Variants in TM9SF2 observed in about 807,000 individuals in gnomAD.
TM9SF2 encodes the protein transmembrane 9 superfamily member 2.
A neutral mutation model predicts 84.9 loss-of-function variants in TM9SF2; 13 were observed. The observed-to-expected ratio is 0.15, with a 90% CI of 0.10 to 0.24. The LOEUF is 0.24. TM9SF2 is among the 10% of genes least tolerant of loss of function. The pLI is 1.00. For synonymous variants in TM9SF2, 273 were observed against 285.8 expected (o/e 0.96, Z 0.45); for missense variants, 562 against 818.5 (o/e 0.69, Z 3.82).
chr13:99,557,784 T>A (rs2046330265), intron 15 of TM9SF2, among the ~76,000 whole-genome samples: 1 of 152,052 alleles, frequency 6.6e-6, no homozygotes, highest in Non-Finnish European at 1.5e-5. Flanking sequence ...GAAGGATCAC[T>A]TGAGCCCAGG....
At chr13:99,543,790 A>G in intron 9 of TM9SF2, 73 bp from the exon 10 acceptor site, 1 of 1,534,598 alleles carries the variant, frequency 6.5e-7, no homozygotes, top group South Asian at 1.3e-5. Flanking sequence ...AGCATATTCA[A>G]CAGTGAACAA....
At position 99,547,028 on chromosome 13, in the gene TM9SF2, G is replaced by T; in HGVS notation, c.1194G>T (p.Ala398=). 1.9e-6 allele frequency: 3 copies of T among 1,614,164 alleles called. No individual in the cohort carries two copies. Among genetic ancestry groups the T allele is most frequent in the Non-Finnish European group, 2.5e-6 (3 of 1,180,028 alleles). Residue 398 remains alanine (A), a synonymous_variant, in exon 11 of 17, where the codon GCG becomes GCT. Coordinates refer to ENST00000376387, the MANE Select transcript of TM9SF2 (RefSeq NM_004800.3). ...TTTTGTCACCTGCCAACCGAGGAGC[G>T]CTGATGACGTGTGCTGTGGTCCTGT... ...LGFLSPANRG[A]LMTCAVVLWV...
At chr13:99,520,311 A>G (rs1217617255) in intron 3 of TM9SF2, among the ~76,000 whole-genome samples, 182 bp downstream of exon 3, 1 of 152,182 alleles carries the variant, frequency 6.6e-6, no homozygotes, top group Admixed American at 6.5e-5. Flanking sequence ...TGTGTCATTG[A>G]TAAGTCTGTC....
chr13:99,540,563 C>A, intron 7 of TM9SF2, 151 bp from the exon 8 acceptor site: 9 of 282,876 alleles, frequency 3.2e-5, no homozygotes, highest in East Asian at 1.4e-4. Flanking sequence ...AAATCTGAAA[C>A]TCTCCAAATC....
intron 1 of TM9SF2, among the ~76,000 whole-genome samples, chr13:99,506,468 A>T (rs1282464949): frequency 6.6e-6 from 1 of 152,214 alleles, no homozygotes; most frequent in Non-Finnish European, 1.5e-5. Context: ...TACTTTGACT[A>T]TGGTAAATAT....
At chr13:99,550,578 C>A (rs1246161080) in intron 12 of TM9SF2, among the ~76,000 whole-genome samples, 1 of 152,100 alleles carries the variant, frequency 6.6e-6, no homozygotes, top group Non-Finnish European at 1.5e-5. Flanking sequence ...TGGGTGTTTA[C>A]CAGCAGGTAA....
rs1043732687 is a variant in TM9SF2, at chr13:99,527,863, C to G, written c.334-1604C>G. 4.6e-5 allele frequency among the ~76,000 whole-genome samples: 7 copies of G among 152,296 alleles called. No individual in the cohort carries two copies. In the South Asian group the frequency reaches 1.5e-3, roughly 32 times the overall value. On this transcript the variant is annotated intron_variant, in intron 3 of 16. Transcript: ENST00000376387. ...CAACCCTGCAAGGCAGTTACTGCGC[C>G]CATTTTACACATAAGTTAACTGAAG...
chr13:99,540,755 T>G lies in TM9SF2; in HGVS notation c.870T>G (p.Ile290Met). 6.2e-7 allele frequency: 1 copy of G among 1,613,884 alleles called. No individual in the cohort carries two copies. Among genetic ancestry groups the G allele is most frequent in the Non-Finnish European group, 8.5e-7 (1 of 1,179,876 alleles). Residue 290 changes from isoleucine to methionine, a missense_variant, in exon 8 of 17, where the codon ATT (isoleucine) becomes ATG (methionine). Around this residue, in one of 4 missense-constraint regions of TM9SF2, gnomAD observed 219 missense variants for 338.1 expected, o/e 0.65. Transcript: ENST00000376387. ...GATGGGCGTCTAGATGGGACTATAT[T>G]CTGGAGTCTATGCCTCATACCCACA... ...KIRWASRWDY[I>M]LESMPHTHIQ...
intron 1 of TM9SF2, among the ~76,000 whole-genome samples, chr13:99,504,601 T>C (rs747283935): frequency 2.6e-5 from 4 of 152,192 alleles, no homozygotes; most frequent in Non-Finnish European, 4.4e-5. Flanking sequence ...ATCAGAAGAA[T>C]GCTGAGGATT....
At chr13:99,539,651 A>G in intron 7 of TM9SF2, 94 bp downstream of exon 7, 1 of 856,610 alleles carries the variant, frequency 1.2e-6, no homozygotes, top group Non-Finnish European at 1.9e-6. Context: ...TGCTTGTCAA[A>G]TAAAGAAGCT....
intron 15 of TM9SF2, among the ~76,000 whole-genome samples, chr13:99,557,844 A>G (rs144300834): frequency 1.3e-4 from 20 of 152,232 alleles, no homozygotes; most frequent in African/African-American, 4.8e-4. Context: ...AACCTGGGCA[A>G]CAGAGTGAGA....
chr13:99,547,183 T>C lies in TM9SF2; in HGVS notation c.1270+79T>C, dbSNP rs2046286457. The C allele has an allele frequency of 3.8e-6, 6 of 1,580,186 alleles. No individual in the cohort carries two copies. The South Asian group carries it at 5.6e-5, about 15-fold the overall frequency. On this transcript the variant is annotated intron_variant, in intron 11 of 16. Transcript: ENST00000376387. ...CTGTGGATCTGACCTGGGTATCAGATGGTGATGCTTTGTAAATAGTGTGCC... is the reference window on the plus strand; with the variant it reads ...CTGTGGATCTGACCTGGGTATCAGACGGTGATGCTTTGTAAATAGTGTGCC...
In TM9SF2 at chr13:99,517,606, A is replaced by AT; in HGVS notation, c.172-4dup. On this transcript the variant is annotated splice_region_variant and splice_polypyrimidine_tract_variant and intron_variant, in intron 1 of 16. Transcript: ENST00000376387. ...TTATATTCTAATTTTGTGTTTCCTT[A>AT]TTTTCAGGCCGAAATAGAACTATTT... 1 of 1,553,950 alleles carries AT rather than the reference A, an allele frequency of 6.4e-7. No individual in the cohort carries two copies. The highest frequency in any genetic ancestry group is 8.7e-7 in the Non-Finnish European group (1 of 1,150,760).
chr13:99,526,558 G>A (rs2046184476), intron 3 of TM9SF2, among the ~76,000 whole-genome samples: 1 of 152,150 alleles, frequency 6.6e-6, no homozygotes. Context: ...CCAGTGAGTT[G>A]GAACAACGGG....
chr13:99,528,138 C>G lies in TM9SF2; in HGVS notation c.334-1329C>G, dbSNP rs9585116. On this transcript the variant is annotated intron_variant, in intron 3 of 16. Transcript: ENST00000376387. Reference sequence around the variant, plus strand: ...GCTAAGAATATTTAAAAATCCTTAGCAAAACATAAATAAAATACAATTCCA... The same window carrying G: ...GCTAAGAATATTTAAAAATCCTTAGGAAAACATAAATAAAATACAATTCCA... Among the ~76,000 whole-genome samples, 1,082 of 152,248 alleles carry G rather than the reference C, an allele frequency of 7.1e-3. 15 individuals are homozygous for G. The highest frequency in any genetic ancestry group is 0.025 in the African/African-American group (1,031 of 41,538).
At chr13:99,516,826 G>A (rs1393841416) in intron 1 of TM9SF2, among the ~76,000 whole-genome samples, 1 of 152,116 alleles carries the variant, frequency 6.6e-6, no homozygotes, top group Non-Finnish European at 1.5e-5. Flanking sequence ...GAGTACATGT[G>A]CATGGAATTG....
At position 99,536,649 on chromosome 13, in the gene TM9SF2, A is replaced by C; in HGVS notation, c.503A>C (p.Glu168Ala). The C allele has an allele frequency of 6.2e-7, 1 of 1,613,804 alleles. No individual in the cohort carries two copies. ...NMPVTWCYDV[E>A]DGQRFCNPGF... ...CCTGTAACGTGGTGTTACGATGTTG[A>C]AGATGGTCAGAGGTTCTGTAATCCT... The change falls in exon 5 of 17, where the codon GAA (glutamate) becomes GCA (alanine). Residue 168 changes from glutamate to alanine, a missense_variant. Around this residue, in one of 4 missense-constraint regions of TM9SF2, gnomAD observed 267 missense variants for 316.7 expected, o/e 0.84. Coordinates refer to ENST00000376387, the MANE Select transcript of TM9SF2 (RefSeq NM_004800.3).
chr13:99,554,135 C>G (rs2046317055), intron 13 of TM9SF2, among the ~76,000 whole-genome samples, 169 bp from the exon 14 acceptor site: 1 of 152,046 alleles, frequency 6.6e-6, no homozygotes. Context: ...CTGATGGTAC[C>G]TGGATGATGG....
At chr13:99,540,647 AT>A (rs1192004059) in intron 7 of TM9SF2, 66 bp from the exon 8 acceptor site, 904 of 1,304,960 alleles carry the variant, frequency 6.9e-4, no homozygotes, top group South Asian at 1.3e-3. Flanking sequence ...TTTGAATGGG[AT>A]TTTTTTTTGT....
Sources: allele counts gnomAD v4.1 joint callset (sites outside exome capture counted in the v4.1 genomes callset), GRCh38; gene constraint gnomAD v4.1.1; regional missense constraint gnomAD v4.1.1; transcripts MANE v1.5; gene names NCBI Gene and HGNC (gene_info 2026-07-23, HGNC 2026-07-21).